Variants in STX8 observed in about 807,000 individuals in gnomAD.
STX8 encodes syntaxin 8, also known as syntaxin-8.
A neutral mutation model predicts 37.5 loss-of-function variants in STX8; 23 were observed. The ratio of observed to expected loss-of-function variants is 0.61; its 90% CI spans 0.44 to 0.87. STX8 has a LOEUF of 0.87. STX8 is among the 40% of genes least tolerant of loss of function. The probability of loss-of-function intolerance (pLI) is 0.00; values close to 1 mark genes in which losing one functional copy is unlikely to be tolerated. For synonymous variants in STX8, 115 were observed against 99.1 expected, an observed-to-expected ratio of 1.16 and a Z score of -0.95; for missense variants, 313 against 284.7, an observed-to-expected ratio of 1.10 and a Z score of -0.71.
chr17:9,415,012 A>T (rs1208423521), intron 6 of STX8, among the ~76,000 whole-genome samples: 2 of 151,696 alleles, frequency 1.3e-5, no homozygotes, highest in Non-Finnish European at 2.9e-5. Flanking sequence ...GCTGGTCTTG[A>T]ACTCCTGACC....
At position 9,305,169 on chromosome 17, in the gene STX8, T is replaced by G. The variant is rs1244292901; in HGVS notation, c.644-54524A>C. 2.0e-5 allele frequency among the ~76,000 whole-genome samples: 3 copies of G among 152,074 alleles called. No individual in the cohort carries two copies. In the East Asian group the frequency reaches 5.8e-4, roughly 29 times the overall value. Reference sequence around the variant, plus strand: ...GTGCAGTGGCGCGGTCTCGGCTCACTGCAACCTCCACCTCCTGGGTTCAAG... The same window carrying G: ...GTGCAGTGGCGCGGTCTCGGCTCACGGCAACCTCCACCTCCTGGGTTCAAG... On this transcript the variant is annotated intron_variant, in intron 7 of 7. Coordinates refer to ENST00000306357, the MANE Select transcript of STX8 (RefSeq NM_004853.3).
At chr17:9,356,714 T>A (rs1187349784) in intron 7 of STX8, among the ~76,000 whole-genome samples, 1 of 152,206 alleles carries the variant, frequency 6.6e-6, no homozygotes, top group East Asian at 1.9e-4. Context: ...GTGTTCCCCA[T>A]GGCAGTGGCA....
intron 6 of STX8, among the ~76,000 whole-genome samples, chr17:9,379,661 A>G (rs1401467002): frequency 6.6e-6 from 1 of 152,122 alleles, no homozygotes. Flanking sequence ...AGTAATTACT[A>G]TCTCTTGTAA....
chr17:9,373,930 ACTCT>A (rs916220991), intron 7 of STX8, among the ~76,000 whole-genome samples: 5 of 144,034 alleles, frequency 3.5e-5, no homozygotes, highest in African/African-American at 5.7e-5. Context: ...CAAGAGCAGA[ACTCT>A]ATCTAAAAAA....
At position 9,278,183 on chromosome 17, in the gene STX8, T is replaced by C. The variant is rs181549674; in HGVS notation, c.644-27538A>G. Reference sequence around the variant, plus strand: ...TACTTTAGGGCCGGATGCAGTGGCTTACGCCTGTAATCCCAGCACTTTGGG... The same window carrying C: ...TACTTTAGGGCCGGATGCAGTGGCTCACGCCTGTAATCCCAGCACTTTGGG... On this transcript the variant is annotated intron_variant, in intron 7 of 7. Coordinates refer to ENST00000306357, the MANE Select transcript of STX8 (RefSeq NM_004853.3). 2.4e-3 allele frequency among the ~76,000 whole-genome samples: 366 copies of C among 151,446 alleles called. 1 individual carries two copies. Among genetic ancestry groups the C allele is most frequent in the Admixed American group, 0.017 (255 of 15,274 alleles).
intron 6 of STX8, among the ~76,000 whole-genome samples, chr17:9,488,825 T>A (rs1182654980): frequency 6.7e-6 from 1 of 150,322 alleles, no homozygotes; most frequent in Admixed American, 6.6e-5. Context: ...AGAGAGAGTG[T>A]GTGTGTGTGT....
At chr17:9,496,789 G>A (rs907653247) in intron 5 of STX8, among the ~76,000 whole-genome samples, 5 of 152,150 alleles carry the variant, frequency 3.3e-5, no homozygotes, top group Non-Finnish European at 5.9e-5. Context: ...AAGGGTCAGA[G>A]AGAGATAACT....
At chr17:9,496,733 G>A (rs1330663883) in intron 5 of STX8, among the ~76,000 whole-genome samples, 1 of 152,172 alleles carries the variant, frequency 6.6e-6, no homozygotes, top group Non-Finnish European at 1.5e-5. Context: ...TATGAGTCCT[G>A]AAAAGCAGAG....
intron 1 of STX8, 106 bp from the exon 2 acceptor site, chr17:9,568,576 C>T: frequency 1.2e-6 from 1 of 814,834 alleles, no homozygotes; most frequent in Non-Finnish European, 1.9e-6. Context: ...TCTCAGCTCA[C>T]TGCAAGCTCT....
At chr17:9,387,646 A>G (rs1206661636) in intron 6 of STX8, among the ~76,000 whole-genome samples, 1 of 152,206 alleles carries the variant, frequency 6.6e-6, no homozygotes, top group South Asian at 2.1e-4. Context: ...GACAGTCCAC[A>G]GTAACAATCA....
intron 4 of STX8, among the ~76,000 whole-genome samples, chr17:9,542,656 G>A (rs191013099): frequency 0.011 from 1,701 of 151,990 alleles, 34 homozygotes; most frequent in African/African-American, 0.038. Flanking sequence ...CAGCCTGGGC[G>A]ACAGAGCAAG....
At chr17:9,450,498 GAGAT>G (rs747109138) in intron 6 of STX8, among the ~76,000 whole-genome samples, 12 of 151,622 alleles carry the variant, frequency 7.9e-5, no homozygotes, top group Non-Finnish European at 1.6e-4. Context: ...GTGTGTGTTA[GAGAT>G]AGAATCTCCC....
intron 4 of STX8, among the ~76,000 whole-genome samples, chr17:9,512,731 A>G (rs955751902): frequency 2.6e-5 from 4 of 152,162 alleles, no homozygotes; most frequent in Non-Finnish European, 5.9e-5. Flanking sequence ...ATGTGAACCC[A>G]GCCAAGCCTA....
chr17:9,393,646 T>C (rs947052327), intron 6 of STX8, among the ~76,000 whole-genome samples: 3 of 152,218 alleles, frequency 2.0e-5, no homozygotes, highest in African/African-American at 4.8e-5. Flanking sequence ...AGTATGTATA[T>C]TGTCATCCCT....
chr17:9,420,713 T>C (rs1052350632), intron 6 of STX8, among the ~76,000 whole-genome samples: 1 of 152,130 alleles, frequency 6.6e-6, no homozygotes, highest in African/African-American at 2.4e-5. Context: ...CAACTGAGCT[T>C]GAGGCGCGAT....
At chr17:9,573,545 A>G (rs1206784624) in intron 1 of STX8, among the ~76,000 whole-genome samples, 1 of 152,208 alleles carries the variant, frequency 6.6e-6, no homozygotes. Context: ...ATTGTATAAA[A>G]GCAAGCTGTT....
Position 9,335,641 on chromosome 17 carries a change from A to G in STX8, c.643+42911T>C, listed in dbSNP as rs185034129. Reference sequence around the variant, plus strand: ...ATTTTTATTTTGTTTATTGTTCTTTATGGTACCATTTTTCTACAGTAAATT... The same window carrying G: ...ATTTTTATTTTGTTTATTGTTCTTTGTGGTACCATTTTTCTACAGTAAATT... On this transcript the variant is annotated intron_variant, in intron 7 of 7. Coordinates refer to ENST00000306357, the MANE Select transcript of STX8 (RefSeq NM_004853.3). 3.7e-3 allele frequency among the ~76,000 whole-genome samples: 559 copies of G among 152,256 alleles called. 2 individuals carry two copies. Among genetic ancestry groups the G allele is most frequent in the African/African-American group, 0.013 (541 of 41,568 alleles).
chr17:9,378,251 G>A (rs778882558), intron 7 of STX8: 19 of 231,168 alleles, frequency 8.2e-5, no homozygotes, highest in Non-Finnish European at 1.4e-4. Context: ...TTTAAAACCC[G>A]CCAACCAGTA....
chr17:9,365,619 G>T (rs1164130483), intron 7 of STX8, among the ~76,000 whole-genome samples: 1 of 152,174 alleles, frequency 6.6e-6, no homozygotes, highest in African/African-American at 2.4e-5. Flanking sequence ...CAGATGAAGT[G>T]GTTTAAAGAA....
Sources: gnomAD v4.1 joint callset for allele counts (sites outside exome capture counted in the v4.1 genomes callset) on GRCh38, gnomAD v4.1.1 for gene constraint, MANE v1.5 for transcripts, NCBI Gene and HGNC (gene_info 2026-07-23, HGNC 2026-07-21) for gene names.